Variants in PCDHGA5 observed in about 807,000 individuals in gnomAD.
PCDHGA5 encodes the protein protocadherin gamma-A5.
In PCDHGA5, 36 loss-of-function variants were observed where a neutral mutation model predicts 56.7. The ratio of observed to expected loss-of-function variants is 0.64; its 90% confidence interval spans 0.49 to 0.84. The LOEUF is 0.84. Among genes scored for constraint, PCDHGA5 ranks in the 40% least tolerant of loss-of-function variants. The pLI is 0.00. For synonymous variants in PCDHGA5, 563 were observed against 520.2 expected, an observed-to-expected ratio of 1.08 and a Z score of -1.12; for missense variants, 1,305 against 1,201.5, an observed-to-expected ratio of 1.09 and a Z score of -1.27.
chr5:141,366,678 A>G lies in PCDHGA5; in HGVS notation c.2348A>G (p.Glu783Gly), dbSNP rs1764735373. Residue 783 changes from glutamate (E) to glycine (G), a missense_variant, in exon 1 of 4, where the codon GAG becomes GGG. Glu to Gly is a moderately conservative substitution (Grantham distance 98, BLOSUM62 -2). Coordinates refer to ENST00000518069, the MANE Select transcript of PCDHGA5 (RefSeq NM_018918.3). The stretch of plus-strand genomic sequence containing the variant: ...TACGCAGACACGCTCCTTAGTGAAG[A>G]GAGCTGTGAGAAAAGCGAGCCTCTT... ...PNYADTLLSE[E>G]SCEKSEPLLM... 3 of 1,614,146 alleles carry G rather than the reference A, an allele frequency of 1.9e-6. No individual in the cohort carries two copies. The highest frequency in any genetic ancestry group is 2.2e-5 in the East Asian group (1 of 44,900).
chr5:141,371,675 A>T (rs1373502908), intron 1 of PCDHGA5: 3 of 1,614,002 alleles, frequency 1.9e-6, no homozygotes, highest in South Asian at 2.2e-5. Context: ...CTACCGACAA[A>T]GGCAATCCAC....
Position 141,511,029 on chromosome 5 carries a change from G to A in PCDHGA5, c.2652G>A (p.Leu884=), listed in dbSNP as rs1372346241. The part of the protein sequence containing the change: ...LSARYGPQFT[L]QHVPDYRQNV... ...CCCGCTACGGACCCCAGTTCACCCT[G>A]CAGCACGTGCCCGACTACCGCCAGA... The change falls in exon 4 of 4, where the codon CTG becomes CTA. Residue 884 remains leucine, a synonymous_variant. Transcript: ENST00000518069. 6.2e-7 allele frequency: 1 copy of A among 1,614,078 alleles called. No individual in the cohort carries two copies. Among genetic ancestry groups the A allele is most frequent in the Non-Finnish European group, 8.5e-7 (1 of 1,180,032 alleles).
intron 1 of PCDHGA5, chr5:141,375,068 G>A: frequency 6.2e-7 from 1 of 1,614,016 alleles, no homozygotes; most frequent in Non-Finnish European, 8.5e-7. Flanking sequence ...AGGTCTTCGA[G>A]ACAGAGCGAA....
chr5:141,423,757 G>GGC, intron 1 of PCDHGA5: 1 of 395,122 alleles, frequency 2.5e-6, no homozygotes, highest in East Asian at 1.5e-4. Context: ...GTTTGGGGGG[G>GGC]GGGTGGGGCG....
At chr5:141,437,659 C>T (rs1006268414) in intron 1 of PCDHGA5, among the ~76,000 whole-genome samples, 10 of 151,870 alleles carry the variant, frequency 6.6e-5, no homozygotes, top group East Asian at 3.9e-4. Context: ...CACATAGTTT[C>T]GAAGAGATGT....
chr5:141,510,802 C>T (rs1358684730), intron 3 of PCDHGA5, 145 bp from the exon 4 acceptor site: 1 of 1,497,192 alleles, frequency 6.7e-7, no homozygotes, highest in African/African-American at 1.4e-5. Context: ...AGAGAGACTA[C>T]CTTGGTGACC....
Position 141,496,888 on chromosome 5 carries a change from TA to T in PCDHGA5, c.2480+2038del, listed in dbSNP as rs35063790. 4.6e-3 allele frequency among the ~76,000 whole-genome samples: 621 copies of T among 133,932 alleles called. 1 individual carries two copies. Among genetic ancestry groups the T allele is most frequent in the Middle Eastern group, 0.011 (3 of 270 alleles). 87.9% of individuals were successfully genotyped at this position (133,932 alleles called of 152,430 possible). ...CTGAAAATTTGCAACAAGTAACACT[TA>T]AAAAAAAAAAAAAAGGCTGGGCACT... On this transcript the variant is annotated intron_variant, in intron 2 of 3. Coordinates refer to ENST00000518069, the MANE Select transcript of PCDHGA5 (RefSeq NM_018918.3).
chr5:141,387,764 AT>A, intron 1 of PCDHGA5: 1 of 1,430,464 alleles, frequency 7.0e-7, no homozygotes, highest in East Asian at 2.5e-5. Context: ...AAAAAGAAGA[AT>A]TTTTTCTTGA....
At position 141,485,122 on chromosome 5, in the gene PCDHGA5, G is replaced by C. The variant is rs1000179570; in HGVS notation, c.2422-9685G>C. The stretch of plus-strand genomic sequence containing the variant: ...CAGCTGCTGTGGCTGTTTGGGGCGG[G>C]TCGGCTTCATCCGCGTCTCAGGAGC... On this transcript the variant is annotated intron_variant, in intron 1 of 3. Transcript: ENST00000518069. This position sits in a 1 kb window ranked among gnomAD's most constrained non-coding sequence, Gnocchi z 5.7. The C allele has an allele frequency of 4.3e-6, 6 of 1,387,506 alleles. No individual in the cohort carries two copies. In the African/African-American group the frequency reaches 8.5e-5, roughly 20 times the overall value. The allele number at this position is 1,387,506 out of a possible 1,614,324, so 85.9% of individuals were successfully genotyped here. A position where few individuals can be genotyped will look rare whatever the true frequency, so the allele number is the denominator to read the frequency against.
intron 2 of PCDHGA5, among the ~76,000 whole-genome samples, chr5:141,501,331 ACACC>A (rs747366952): frequency 1.4e-5 from 2 of 138,844 alleles, no homozygotes; most frequent in Non-Finnish European, 3.2e-5. Context: ...ACACACACAC[ACACC>A]CCAAACTCAA....
At chr5:141,382,125 GC>G (rs1470370841) in intron 1 of PCDHGA5, among the ~76,000 whole-genome samples, 1 of 151,872 alleles carries the variant, frequency 6.6e-6, no homozygotes, top group East Asian at 1.9e-4. Flanking sequence ...ACAGCACCTG[GC>G]CCCCCCTCTC....
intron 1 of PCDHGA5, chr5:141,382,891 A>C (rs1428861059): frequency 6.5e-7 from 1 of 1,533,794 alleles, no homozygotes; most frequent in Non-Finnish European, 8.8e-7. Flanking sequence ...CAAGAGAAGC[A>C]GGACGACTAT....
chr5:141,371,301 A>G (rs199851082), intron 1 of PCDHGA5: 272 of 1,613,872 alleles, frequency 1.7e-4, no homozygotes, highest in Non-Finnish European at 2.2e-4. Flanking sequence ...GGAACTCACC[A>G]CTATTGGAGA....
At chr5:141,414,288 C>T (rs368826232) in intron 1 of PCDHGA5, 40 of 1,613,502 alleles carry the variant, frequency 2.5e-5, no homozygotes, top group South Asian at 4.4e-5. Context: ...CAGTCGTAGC[C>T]CTTTTAAATG....
At chr5:141,394,430 C>G in intron 1 of PCDHGA5, 2 of 1,614,244 alleles carry the variant, frequency 1.2e-6, no homozygotes, top group Non-Finnish European at 1.7e-6. Flanking sequence ...ACAGCGGGGA[C>G]CCGCCCCTCA....
chr5:141,511,233 TACCTGC>T lies in PCDHGA5; in HGVS notation c.*64_*69del. 4 of 1,595,428 alleles carry T rather than the reference TACCTGC, an allele frequency of 2.5e-6. No individual in the cohort carries two copies. The highest frequency in any genetic ancestry group is 3.4e-6 in the Non-Finnish European group (4 of 1,170,894). ...CTCCCCAACCAGCCCAGCTTCTCCT[TACCTGC>T]ACCCAGGCCTCAGAGTTTCAGGGCT... On this transcript the variant is annotated 3_prime_UTR_variant, in exon 4 of 4. Transcript: ENST00000518069.
At chr5:141,433,181 G>T (rs199507607) in intron 1 of PCDHGA5, 45 of 1,607,620 alleles carry the variant, frequency 2.8e-5, no homozygotes, top group Non-Finnish European at 3.4e-5. Context: ...TGGGTTAATT[G>T]AGGTGAGTTT....
chr5:141,395,157 C>G, intron 1 of PCDHGA5: 2 of 1,614,174 alleles, frequency 1.2e-6, no homozygotes, highest in Non-Finnish European at 1.7e-6. Context: ...GCTCATCAGT[C>G]AGGAGGGCTG....
chr5:141,421,562 A>G (rs1326874908), intron 1 of PCDHGA5: 1 of 1,613,992 alleles, frequency 6.2e-7, no homozygotes, highest in South Asian at 1.1e-5. Context: ...CTTCTCGTGG[A>G]AGACACCTTG....
Sources: gnomAD v4.1 joint callset for allele counts (sites outside exome capture counted in the v4.1 genomes callset) on GRCh38, gnomAD v4.1.1 for gene constraint, Gnocchi (gnomAD v3.1) non-coding constraint, MANE v1.5 for transcripts, NCBI Gene and HGNC (gene_info 2026-07-23, HGNC 2026-07-21) for gene names.